The following LRRC3B variants were observed in gnomAD, a reference collection of about 807,000 sequenced individuals.
LRRC3B encodes the protein leucine-rich repeat-containing protein 3B.
LRRC3B carries 2 observed loss-of-function variants against 12.8 expected under a neutral mutation model. The observed-to-expected ratio is 0.16, with a 90% CI of 0.06 to 0.49. The LOEUF (loss-of-function observed/expected upper bound fraction) is 0.49. Ranked by LOEUF, LRRC3B falls within the 20% of genes least tolerant of loss-of-function variation. LRRC3B has a pLI of 0.96. For synonymous variants in LRRC3B, 132 were observed against 122.0 expected, an observed-to-expected ratio of 1.08 and a Z score of -0.54; for missense variants, 189 against 319.4, an observed-to-expected ratio of 0.59 and a Z score of 3.11.
At chr3:26,677,683 T>G (rs1249913877) in intron 1 of LRRC3B, among the ~76,000 whole-genome samples, 1 of 152,210 alleles carries the variant, frequency 6.6e-6, no homozygotes, top group South Asian at 2.1e-4. Flanking sequence ...TATAACACAT[T>G]CTTATTTTCA....
At chr3:26,689,890 A>G (rs1700156267) in intron 1 of LRRC3B, among the ~76,000 whole-genome samples, 1 of 152,126 alleles carries the variant, frequency 6.6e-6, no homozygotes, top group South Asian at 2.1e-4. Context: ...CAGTCCTCCC[A>G]TCTGTGACTT....
intron 1 of LRRC3B, among the ~76,000 whole-genome samples, chr3:26,639,054 A>G (rs1698963342): frequency 6.6e-6 from 1 of 152,178 alleles, no homozygotes; most frequent in African/African-American, 2.4e-5. Context: ...TGAATACCTT[A>G]TAGAGGAACA....
chr3:26,679,682 G>C (rs766797673), intron 1 of LRRC3B, among the ~76,000 whole-genome samples: 4 of 152,116 alleles, frequency 2.6e-5, no homozygotes, highest in East Asian at 1.9e-4. Context: ...TACTTCTCCT[G>C]ACATTACATC....
At chr3:26,671,373 T>TATATATATAGAGAGAGAGAGAGAGAG (rs1261897533) in intron 1 of LRRC3B, among the ~76,000 whole-genome samples, 1 of 28,252 alleles carries the variant, frequency 3.5e-5, no homozygotes, top group Admixed American at 6.9e-4. Flanking sequence ...TATATATATA[T>TATATATATAGAGAGAGAGAGAGAGAG]AGAGAGAGAG....
At chr3:26,653,267 C>T (rs1396538956) in intron 1 of LRRC3B, among the ~76,000 whole-genome samples, 1 of 152,166 alleles carries the variant, frequency 6.6e-6, no homozygotes, top group African/African-American at 2.4e-5. Flanking sequence ...TGACTTGCAT[C>T]TCCTTGACAT....
chr3:26,643,955 G>T (rs1013367546), intron 1 of LRRC3B, among the ~76,000 whole-genome samples: 1 of 152,142 alleles, frequency 6.6e-6, no homozygotes, highest in South Asian at 2.1e-4. Context: ...ACACATATAC[G>T]CACAAAGAGC....
At chr3:26,641,735 C>T (rs1406984668) in intron 1 of LRRC3B, among the ~76,000 whole-genome samples, 1 of 151,798 alleles carries the variant, frequency 6.6e-6, no homozygotes, top group Non-Finnish European at 1.5e-5. Context: ...GGCGGAGTAA[C>T]TTGATAAAAT....
intron 1 of LRRC3B, among the ~76,000 whole-genome samples, chr3:26,688,538 A>G (rs2125447248): frequency 6.6e-6 from 1 of 152,314 alleles, no homozygotes; most frequent in East Asian, 1.9e-4. Context: ...GGGAGGCCTC[A>G]GGAAACTTTC....
At chr3:26,683,630 G>A (rs6776559) in intron 1 of LRRC3B, among the ~76,000 whole-genome samples, 29,445 of 152,086 alleles carry the variant, frequency 0.19, 3,094 homozygotes, top group East Asian at 0.29. Context: ...AACCATACAT[G>A]CATAAGGTTG....
chr3:26,634,300 G>A (rs1377296954), intron 1 of LRRC3B, among the ~76,000 whole-genome samples: 4 of 152,124 alleles, frequency 2.6e-5, no homozygotes, highest in African/African-American at 9.7e-5. Context: ...ATTCTTCCTG[G>A]GTCCTAGCAT....
At chr3:26,655,991 G>A (rs1039434981) in intron 1 of LRRC3B, among the ~76,000 whole-genome samples, 3 of 152,126 alleles carry the variant, frequency 2.0e-5, no homozygotes, top group Admixed American at 1.3e-4. Context: ...TTCAGACTAA[G>A]GTTCATTTGA....
At chr3:26,636,194 A>G (rs1324341295) in intron 1 of LRRC3B, among the ~76,000 whole-genome samples, 1 of 152,200 alleles carries the variant, frequency 6.6e-6, no homozygotes, top group Non-Finnish European at 1.5e-5. Context: ...CTGACCTGCC[A>G]AAACCTAATT....
At chr3:26,659,980 C>T (rs2125422078) in intron 1 of LRRC3B, among the ~76,000 whole-genome samples, 1 of 152,246 alleles carries the variant, frequency 6.6e-6, no homozygotes, top group East Asian at 1.9e-4. Flanking sequence ...GTTGGCTTGC[C>T]TTATCCCAGC....
chr3:26,636,840 G>GCCTC lies in LRRC3B; in HGVS notation c.-161+13627_-161+13630dup, dbSNP rs1301182993. ...TCCCTCCCTCCCTCCCTCCCTCCCT[G>GCCTC]CCTCCCTCCCTCCCTCCCTCCCTCC... On this transcript the variant is annotated intron_variant, in intron 1 of 1. Transcript: ENST00000396641. 2.3e-3 allele frequency among the ~76,000 whole-genome samples: 100 copies of GCCTC among 43,106 alleles called. 4 individuals are homozygous for GCCTC. The highest frequency in any genetic ancestry group is 2.7e-3 in the Non-Finnish European group (62 of 23,326). The allele number at this position is 43,106 out of a possible 152,430, so 28.3% of individuals were successfully genotyped here.
chr3:26,709,596 G>A lies in LRRC3B; in HGVS notation c.-77G>A, dbSNP rs1700696890. The A allele has an allele frequency of 1.4e-6, 2 of 1,404,386 alleles. No homozygotes were observed. Among genetic ancestry groups the A allele is most frequent in the Non-Finnish European group, 2.0e-6 (2 of 1,017,496 alleles). The allele number at this position is 1,404,386 out of a possible 1,614,324, so 87.0% of individuals were successfully genotyped here. ...AACACGCAAGAAGGAAATCAATAGT[G>A]TGGACAGGGCTGGAACCTTTACCAC... On this transcript the variant is annotated 5_prime_UTR_variant, in exon 2 of 2. In the 5' UTR this introduces an upstream ATG that the reference lacks. Transcript: ENST00000396641.
intron 1 of LRRC3B, among the ~76,000 whole-genome samples, chr3:26,637,767 C>T (rs1559350839): frequency 6.6e-6 from 1 of 152,094 alleles, no homozygotes; most frequent in African/African-American, 2.4e-5. Context: ...AAGAGCAAGA[C>T]AATAATAACA....
At chr3:26,634,976 C>A (rs1488106745) in intron 1 of LRRC3B, among the ~76,000 whole-genome samples, 2 of 152,140 alleles carry the variant, frequency 1.3e-5, no homozygotes, top group African/African-American at 4.8e-5. Flanking sequence ...TGTTGTATTG[C>A]CTGATCGAAC....
exon 2 of LRRC3B, chr3:26,709,822 T>C (rs1700703763): frequency 1.2e-6 from 2 of 1,614,148 alleles, no homozygotes; most frequent in Middle Eastern, 1.6e-4. Context: ...ATGTCACCTG[T>C]AGCAATGCAA....
At chr3:26,653,949 A>T (rs1232142256) in intron 1 of LRRC3B, among the ~76,000 whole-genome samples, 1 of 149,476 alleles carries the variant, frequency 6.7e-6, no homozygotes. Context: ...ACCTGGTGGC[A>T]CCAGATGGCT....
Sources: gnomAD v4.1 joint callset for allele counts (sites outside exome capture counted in the v4.1 genomes callset) on GRCh38, gnomAD v4.1.1 for gene constraint, MANE v1.5 for transcripts, NCBI Gene and HGNC (gene_info 2026-07-23, HGNC 2026-07-21) for gene names.